Variants in INPP4B observed in about 807,000 individuals in gnomAD.
The protein encoded by INPP4B is inositol polyphosphate 4-phosphatase type II.
In INPP4B, 55 loss-of-function variants were observed where a neutral mutation model predicts 122.5. That is an observed-to-expected ratio of 0.45 (90% CI 0.36 to 0.56). The LOEUF (loss-of-function observed/expected upper bound fraction) is 0.56, where lower values mean the gene tolerates loss of function less well. Ranked by LOEUF, INPP4B falls within the 20% of genes least tolerant of loss-of-function variation. The pLI is 0.00. For synonymous variants in INPP4B, 403 were observed against 388.7 expected, an observed-to-expected ratio of 1.04 and a Z score of -0.43; for missense variants, 1,000 against 1,097.7, an observed-to-expected ratio of 0.91 and a Z score of 1.26.
intron 23 of INPP4B, among the ~76,000 whole-genome samples, chr4:142,097,249 T>TATTTTATTTTATTTC: frequency 6.7e-6 from 1 of 149,854 alleles, no homozygotes; most frequent in Non-Finnish European, 1.5e-5. Context: ...TATTTTATTT[T>TATTTTATTTTATTTC]ATTTTATTTT....
chr4:142,044,783 G>A (rs1255330436), intron 25 of INPP4B, among the ~76,000 whole-genome samples: 1 of 152,128 alleles, frequency 6.6e-6, no homozygotes. Context: ...GAGAACAAAA[G>A]TTATTTCAGG....
chr4:142,531,434 TA>T (rs1827600228), intron 2 of INPP4B, among the ~76,000 whole-genome samples: 1 of 152,130 alleles, frequency 6.6e-6, no homozygotes, highest in African/African-American at 2.4e-5. Context: ...GTCAGTAGAA[TA>T]ATGAATCATA....
At chr4:142,476,313 G>C (rs1270745898) in intron 2 of INPP4B, among the ~76,000 whole-genome samples, 1 of 152,162 alleles carries the variant, frequency 6.6e-6, no homozygotes, top group Non-Finnish European at 1.5e-5. Context: ...CACCGGACCT[G>C]CCTTATAAGA....
intron 2 of INPP4B, among the ~76,000 whole-genome samples, chr4:142,670,035 T>G (rs748975350): frequency 2.0e-5 from 3 of 152,188 alleles, no homozygotes; most frequent in Non-Finnish European, 4.4e-5. Context: ...AAGTAAAACA[T>G]TCCATAAATA....
intron 2 of INPP4B, among the ~76,000 whole-genome samples, chr4:142,653,593 C>T (rs1753490852): frequency 6.6e-6 from 1 of 152,114 alleles, no homozygotes. Flanking sequence ...AGAAGACATT[C>T]ATGCAGCCAA....
intron 7 of INPP4B, among the ~76,000 whole-genome samples, chr4:142,315,379 G>A (rs1337013304): frequency 6.6e-6 from 1 of 152,092 alleles, no homozygotes; most frequent in East Asian, 1.9e-4. Context: ...ATTCTCAATT[G>A]TGGGAGGGGG....
At chr4:142,329,712 G>T (rs1438818752) in intron 7 of INPP4B, among the ~76,000 whole-genome samples, 2 of 152,108 alleles carry the variant, frequency 1.3e-5, no homozygotes, top group Admixed American at 1.3e-4. Flanking sequence ...TTTATAGAAA[G>T]CAGTTTAATA....
At chr4:142,634,212 A>G (rs1207028195) in intron 2 of INPP4B, among the ~76,000 whole-genome samples, 2 of 152,218 alleles carry the variant, frequency 1.3e-5, no homozygotes, top group Non-Finnish European at 2.9e-5. Context: ...ACCCATAATA[A>G]AAACTCCAGA....
chr4:142,439,287 G>T (rs1395081974), intron 3 of INPP4B, among the ~76,000 whole-genome samples: 1 of 152,138 alleles, frequency 6.6e-6, no homozygotes, highest in Non-Finnish European at 1.5e-5. Flanking sequence ...GGCTCTTCCT[G>T]TGTAATTCTC....
At chr4:142,447,173 T>C (rs544904518) in intron 3 of INPP4B, among the ~76,000 whole-genome samples, 39 of 152,286 alleles carry the variant, frequency 2.6e-4, no homozygotes, top group African/African-American at 9.1e-4. Context: ...CAAGCAAGCA[T>C]GTGTCAAGGA....
At chr4:142,589,099 G>T (rs1391004285) in intron 2 of INPP4B, among the ~76,000 whole-genome samples, 9 of 152,072 alleles carry the variant, frequency 5.9e-5, no homozygotes, top group Admixed American at 2.0e-4. Context: ...GTAGGGAAAA[G>T]ATAGTCTTTT....
intron 2 of INPP4B, among the ~76,000 whole-genome samples, chr4:142,647,582 C>T (rs1752060209): frequency 6.6e-6 from 1 of 152,180 alleles, no homozygotes; most frequent in African/African-American, 2.4e-5. Context: ...TGTTTTCTTT[C>T]TTCCCTGCTT....
chr4:142,712,582 T>C (rs1453630600), intron 2 of INPP4B, among the ~76,000 whole-genome samples: 1 of 152,012 alleles, frequency 6.6e-6, no homozygotes, highest in Non-Finnish European at 1.5e-5. Context: ...CACCATTGTA[T>C]ATCGAAAGAA....
At chr4:142,031,799 G>C (rs1330528033) in intron 25 of INPP4B, among the ~76,000 whole-genome samples, 1 of 152,146 alleles carries the variant, frequency 6.6e-6, no homozygotes, top group Non-Finnish European at 1.5e-5. Flanking sequence ...TAATCCCAGA[G>C]AAGGAGTTTA....
intron 1 of INPP4B, among the ~76,000 whole-genome samples, chr4:142,751,016 C>G (rs1389160854): frequency 3.3e-5 from 5 of 151,826 alleles, no homozygotes; most frequent in African/African-American, 7.3e-5. Context: ...GAACTAAATA[C>G]AGTTATTGTA....
chr4:142,352,850 T>A (rs1258107116), intron 7 of INPP4B, among the ~76,000 whole-genome samples: 1 of 151,952 alleles, frequency 6.6e-6, no homozygotes, highest in Non-Finnish European at 1.5e-5. Context: ...TAGGAGGCAA[T>A]ATCCTATAAA....
At chr4:142,610,908 C>A (rs1263008721) in intron 2 of INPP4B, among the ~76,000 whole-genome samples, 1 of 152,118 alleles carries the variant, frequency 6.6e-6, no homozygotes, top group Non-Finnish European at 1.5e-5. Context: ...GATGCTGAAA[C>A]CTTAGTTCAA....
In INPP4B at chr4:142,585,581, C is replaced by T. The variant is rs567331075; in HGVS notation, c.-190-122855G>A. Among the ~76,000 whole-genome samples, 8 of 152,252 alleles carry T rather than the reference C, an allele frequency of 5.3e-5. No homozygotes were observed. In the East Asian group the frequency reaches 1.5e-3, roughly 29 times the overall value. ...CCCACAGGACAAGTAGTCATATCCA[C>T]TGTCATATATTCTTGCTCAACTGTT... On this transcript the variant is annotated intron_variant, in intron 2 of 25. Transcript: ENST00000262992.
At chr4:142,803,371 CT>C (rs565993909) in intron 1 of INPP4B, among the ~76,000 whole-genome samples, 91 of 151,590 alleles carry the variant, frequency 6.0e-4, no homozygotes, top group Non-Finnish European at 1.1e-3. Flanking sequence ...TTTTTATTAG[CT>C]TTTTTTATTG....
Sources: gnomAD v4.1 joint callset for allele counts (sites outside exome capture counted in the v4.1 genomes callset) on GRCh38, gnomAD v4.1.1 for gene constraint, MANE v1.5 for transcripts, NCBI Gene and HGNC (gene_info 2026-07-23, HGNC 2026-07-21) for gene names.